Variants in SH3RF1 observed in about 807,000 individuals in gnomAD.
The protein encoded by SH3RF1 is E3 ubiquitin-protein ligase SH3RF1.
Under a neutral mutation model 74.0 loss-of-function variants are expected in SH3RF1, and 32 were observed. The ratio of observed to expected loss-of-function variants is 0.43; its 90% CI spans 0.33 to 0.58. The LOEUF (loss-of-function observed/expected upper bound fraction) is 0.58. Among genes scored for constraint, SH3RF1 ranks in the 20% least tolerant of loss-of-function variants. The pLI, the probability that SH3RF1 is intolerant of heterozygous loss-of-function variation, is 0.05. For missense variants in SH3RF1, 954 were observed against 1,130.9 expected (o/e 0.84, Z 2.24); for synonymous variants, 396 against 439.6 (o/e 0.90, Z 1.24).
intron 2 of SH3RF1, among the ~76,000 whole-genome samples, chr4:169,219,614 T>G (rs935598657): frequency 6.6e-6 from 1 of 152,228 alleles, no homozygotes; most frequent in Non-Finnish European, 1.5e-5. Flanking sequence ...GTGTTTGTTC[T>G]TCCTTGTCTA....
chr4:169,234,583 G>A (rs761066841), intron 2 of SH3RF1, among the ~76,000 whole-genome samples: 51 of 152,062 alleles, frequency 3.4e-4, no homozygotes, highest in Non-Finnish European at 5.7e-4. Flanking sequence ...TTCTAACACT[G>A]GACTTGCCAT....
chr4:169,106,779 C>T, intron 11 of SH3RF1, 68 bp downstream of exon 11: 1 of 1,267,578 alleles, frequency 7.9e-7, no homozygotes, highest in Non-Finnish European at 1.1e-6. Context: ...TTAAATATCA[C>T]AATAATGTTC....
At chr4:169,149,840 T>G (rs1043441365) in intron 4 of SH3RF1, among the ~76,000 whole-genome samples, 2 of 152,240 alleles carry the variant, frequency 1.3e-5, no homozygotes, top group Non-Finnish European at 2.9e-5. Context: ...ATTGTGCCCT[T>G]CTGCTATCAT....
At chr4:169,126,910 A>G (rs1048459496) in intron 6 of SH3RF1, among the ~76,000 whole-genome samples, 1 of 152,216 alleles carries the variant, frequency 6.6e-6, no homozygotes, top group Non-Finnish European at 1.5e-5. Flanking sequence ...AAAATTTGGA[A>G]TGCAATCTGT....
chr4:169,125,862 C>T (rs1733515935), intron 6 of SH3RF1, among the ~76,000 whole-genome samples: 1 of 152,186 alleles, frequency 6.6e-6, no homozygotes, highest in South Asian at 2.1e-4. Context: ...CATGGAGATG[C>T]CTGTTGAAAT....
chr4:169,142,864 T>C (rs946636531), intron 4 of SH3RF1, among the ~76,000 whole-genome samples: 1 of 152,236 alleles, frequency 6.6e-6, no homozygotes, highest in Non-Finnish European at 1.5e-5. Context: ...AATGAGAAAC[T>C]GGTATTCCCA....
chr4:169,165,245 G>T (rs1734216074), intron 2 of SH3RF1, among the ~76,000 whole-genome samples: 1 of 152,170 alleles, frequency 6.6e-6, no homozygotes, highest in Non-Finnish European at 1.5e-5. Context: ...TGACCCTGGG[G>T]TGTAGAGCTA....
chr4:169,107,888 A>C (rs570759944), intron 10 of SH3RF1, among the ~76,000 whole-genome samples: 1 of 152,346 alleles, frequency 6.6e-6, no homozygotes, highest in African/African-American at 2.4e-5. Flanking sequence ...TTTTAAGGAA[A>C]GCTTCAGTAT....
At chr4:169,119,956 T>C (rs989164572) in intron 8 of SH3RF1, among the ~76,000 whole-genome samples, 5 of 152,210 alleles carry the variant, frequency 3.3e-5, no homozygotes, top group Non-Finnish European at 7.3e-5. Flanking sequence ...AGCTGAACTA[T>C]CTTTACATAA....
At chr4:169,128,820 T>C (rs1254681455) in intron 6 of SH3RF1, among the ~76,000 whole-genome samples, 1 of 152,192 alleles carries the variant, frequency 6.6e-6, no homozygotes, top group Non-Finnish European at 1.5e-5. Context: ...AACCAGCTGC[T>C]TAGAAGCCTC....
In SH3RF1 at chr4:169,214,561, G is replaced by C. The variant is rs140603551; in HGVS notation, c.393+54259C>G. ...GACAATATTGAGCCTTCCTATCCATGAATGTGGATTATCTCTCATTTGTTT... is the reference window on the plus strand; with the variant it reads ...GACAATATTGAGCCTTCCTATCCATCAATGTGGATTATCTCTCATTTGTTT... On this transcript the variant is annotated intron_variant, in intron 2 of 11. Transcript: ENST00000284637. 4.6e-4 allele frequency among the ~76,000 whole-genome samples: 70 copies of C among 152,262 alleles called. No homozygotes were observed. The East Asian group carries it at 0.013, about 27-fold the overall frequency.
chr4:169,225,330 C>T (rs1730640461), intron 2 of SH3RF1, among the ~76,000 whole-genome samples: 1 of 152,148 alleles, frequency 6.6e-6, no homozygotes, highest in African/African-American at 2.4e-5. Flanking sequence ...GGAACCAGAG[C>T]TCCAGCACAA....
At position 169,217,253 on chromosome 4, in the gene SH3RF1, G is replaced by GGGTTGGCTTGA. The variant is rs1408605072; in HGVS notation, c.393+51556_393+51566dup. 6.6e-5 allele frequency: 10 copies of GGGTTGGCTTGA among 152,042 alleles called. No homozygotes were observed. In the East Asian group the frequency reaches 1.9e-3, roughly 29 times the overall value. The allele number at this position is 152,042 out of a possible 1,614,324, so 9.4% of individuals were successfully genotyped here. On this transcript the variant is annotated intron_variant, in intron 2 of 11. Coordinates refer to ENST00000284637, the MANE Select transcript of SH3RF1 (RefSeq NM_020870.4). Reference sequence around the variant, plus strand: ...AAGGCTTGGTTCAACACCCTGAGCTGGGTTGGCTTGACAGGACTAGCACTA... The same window carrying GGGTTGGCTTGA: ...AAGGCTTGGTTCAACACCCTGAGCTGGGTTGGCTTGAGGTTGGCTTGACAGGACTAGCACTA...
chr4:169,255,249 A>G (rs971959206), intron 2 of SH3RF1, among the ~76,000 whole-genome samples: 9 of 152,234 alleles, frequency 5.9e-5, no homozygotes, highest in African/African-American at 2.2e-4. Flanking sequence ...TGAATATTTT[A>G]ACTATAAATA....
chr4:169,198,300 C>A (rs926912780), intron 2 of SH3RF1, among the ~76,000 whole-genome samples: 2 of 152,002 alleles, frequency 1.3e-5, no homozygotes, highest in African/African-American at 2.4e-5. Flanking sequence ...CTTTTAACAT[C>A]CCCAGTTATA....
intron 2 of SH3RF1, among the ~76,000 whole-genome samples, chr4:169,209,221 G>A (rs1315929200): frequency 2.6e-5 from 4 of 151,734 alleles, no homozygotes; most frequent in Non-Finnish European, 5.9e-5. Flanking sequence ...CCCAGGAGGC[G>A]GAGGTTGCAG....
At chr4:169,110,026 CAAA>C (rs5863981) in intron 10 of SH3RF1, among the ~76,000 whole-genome samples, 17 of 107,272 alleles carry the variant, frequency 1.6e-4, no homozygotes, top group Admixed American at 3.1e-4. Flanking sequence ...CAAAACAATA[CAAA>C]AAAAAAAAAA....
chr4:169,163,560 A>G (rs925947823), intron 2 of SH3RF1, among the ~76,000 whole-genome samples: 1 of 152,226 alleles, frequency 6.6e-6, no homozygotes, highest in Admixed American at 6.5e-5. Flanking sequence ...CACAGTAACA[A>G]GGATAATTCC....
chr4:169,101,302 C>T (rs767671247), intron 11 of SH3RF1, among the ~76,000 whole-genome samples: 3 of 152,154 alleles, frequency 2.0e-5, no homozygotes, highest in East Asian at 1.9e-4. Flanking sequence ...AATTCTGACA[C>T]GTGCTACAAC....
Sources: allele counts gnomAD v4.1 joint callset (sites outside exome capture counted in the v4.1 genomes callset), GRCh38; gene constraint gnomAD v4.1.1; transcripts MANE v1.5; gene names NCBI Gene and HGNC (gene_info 2026-07-23, HGNC 2026-07-21).